The following ZNF230 variants were observed in gnomAD, a reference collection of about 807,000 sequenced individuals.
ZNF230 encodes zinc finger protein 230, also known as zinc finger protein FDZF2.
In ZNF230, 12 loss-of-function variants were observed where a neutral mutation model predicts 10.0. That is an observed-to-expected ratio of 1.20 (90% CI 0.77 to 1.95). The LOEUF (loss-of-function observed/expected upper bound fraction) is 1.95. ZNF230 is among the 30% of genes most tolerant of loss of function. ZNF230 has a pLI of 0.00. For missense variants in ZNF230, 532 were observed against 565.8 expected, an observed-to-expected ratio of 0.94 and a Z score of 0.61; for synonymous variants, 174 against 193.6, an observed-to-expected ratio of 0.90 and a Z score of 0.84.
At position 44,013,360 on chromosome 19, in the gene ZNF230, A is replaced by C. The variant is rs1234575450; in HGVS notation, c.*1896A>C. Reference sequence around the variant, plus strand: ...TGATTGGGGTAGGAGTGACATTTACATGCTCTTCTTTATTGTTGGCAGTAA... The same window carrying C: ...TGATTGGGGTAGGAGTGACATTTACCTGCTCTTCTTTATTGTTGGCAGTAA... On this transcript the variant is annotated 3_prime_UTR_variant, in exon 5 of 5. Coordinates refer to ENST00000429154, the MANE Select transcript of ZNF230 (RefSeq NM_006300.4). 1 of 152,200 alleles carries C rather than the reference A, an allele frequency of 6.6e-6. No homozygotes were observed. The highest frequency in any genetic ancestry group is 1.5e-5 in the Non-Finnish European group (1 of 68,036). 9.4% of individuals were successfully genotyped at this position (152,200 alleles called of 1,614,324 possible). A position where few individuals can be genotyped will look rare whatever the true frequency, so the allele number is the denominator to read the frequency against.
rs1166802550 is a variant in ZNF230, at chr19:44,011,780, T to C, written c.*316T>C. On this transcript the variant is annotated 3_prime_UTR_variant, in exon 5 of 5. Coordinates refer to ENST00000429154, the MANE Select transcript of ZNF230 (RefSeq NM_006300.4). ...TAGAACCACTGTTTTACTCACTAAT[T>C]CTATGAAATCAACTTTTTTAGCTTC... The C allele has an allele frequency of 8.2e-6, 2 of 242,956 alleles. No individual in the cohort carries two copies. Among genetic ancestry groups the C allele is most frequent in the Non-Finnish European group, 1.6e-5 (2 of 124,080 alleles). 15.1% of individuals were successfully genotyped at this position (242,956 alleles called of 1,614,324 possible).
chr19:44,006,927 A>T (rs1017208053), intron 1 of ZNF230, 84 bp from the exon 2 acceptor site: 2 of 626,770 alleles, frequency 3.2e-6, no homozygotes, highest in Non-Finnish European at 2.9e-6. Flanking sequence ...TGCTGTGATC[A>T]TTCATAATAC....
rs904504994 is a variant in ZNF230, at chr19:44,012,161, G to A, written c.*697G>A. 5 of 299,932 alleles carry A rather than the reference G, an allele frequency of 1.7e-5. No homozygotes were observed. Among genetic ancestry groups the A allele is most frequent in the Non-Finnish European group, 2.6e-5 (4 of 154,100 alleles). 18.6% of individuals were successfully genotyped at this position (299,932 alleles called of 1,614,324 possible). A position where few individuals can be genotyped will look rare whatever the true frequency, so the allele number is the denominator to read the frequency against. Reference sequence around the variant, plus strand: ...TTGACACAAGAGCAAAACTATGGAAGTGTGGCTAGGGTGATATGGCTTCAT... The same window carrying A: ...TTGACACAAGAGCAAAACTATGGAAATGTGGCTAGGGTGATATGGCTTCAT... On this transcript the variant is annotated 3_prime_UTR_variant, in exon 5 of 5. Transcript: ENST00000429154.
chr19:44,006,547 G>A (rs541626199), intron 1 of ZNF230, among the ~76,000 whole-genome samples: 81 of 152,234 alleles, frequency 5.3e-4, no homozygotes, highest in African/African-American at 1.8e-3. Flanking sequence ...TTTGTAAAGT[G>A]GAGTAACCAT....
At position 44,010,410 on chromosome 19, in the gene ZNF230, C is replaced by T. The variant is rs776761302; in HGVS notation, c.371C>T (p.Ser124Phe). 3.1e-6 allele frequency: 5 copies of T among 1,614,216 alleles called. No homozygotes were observed. In the East Asian group the frequency reaches 1.1e-4, roughly 36 times the overall value. Residue 124 changes from serine (S) to phenylalanine (F), a missense_variant, in exon 5 of 5, where the codon TCC (serine) becomes TTC (phenylalanine). By Grantham distance (155) the Ser-to-Phe change is radical. Coordinates refer to ENST00000429154, the MANE Select transcript of ZNF230 (RefSeq NM_006300.4). The part of the protein sequence containing the change: ...SHFFEQGDVP[S>F]QVEAGLSIIH... The stretch of plus-strand genomic sequence containing the variant: ...TTCTTTGAACAAGGTGATGTCCCCT[C>T]CCAGGTTGAGGCAGGACTATCTATA...
chr19:44,010,980 G>C lies in ZNF230; in HGVS notation c.941G>C (p.Gly314Ala), dbSNP rs1359546815. ...AAACTGTACAAATCTGAGGAGTGTGGAAAAGGCTTCACTGATAGCCTAGAT... is the reference window on the plus strand; with the variant it reads ...AAACTGTACAAATCTGAGGAGTGTGCAAAAGGCTTCACTGATAGCCTAGAT... ...AEKLYKSEEC[G>A]KGFTDSLDLH... Residue 314 changes from glycine (G) to alanine (A), a missense_variant, in exon 5 of 5, where the codon GGA becomes GCA. Coordinates refer to ENST00000429154, the MANE Select transcript of ZNF230 (RefSeq NM_006300.4). 1.2e-6 allele frequency: 2 copies of C among 1,614,072 alleles called. No homozygotes were observed. The highest frequency in any genetic ancestry group is 2.7e-5 in the African/African-American group (2 of 74,922).
At chr19:44,008,741 C>T (rs890340693) in intron 2 of ZNF230, 49 bp from the exon 3 acceptor site, 6 of 1,599,332 alleles carry the variant, frequency 3.8e-6, no homozygotes, top group South Asian at 2.2e-5. Flanking sequence ...GCTCCTCCCC[C>T]AGTAGTCCAT....
At chr19:44,003,889 G>A (rs1405723412) in intron 1 of ZNF230, 1 of 152,512 alleles carries the variant, frequency 6.6e-6, no homozygotes, top group African/African-American at 2.4e-5. Flanking sequence ...AGGCCACACT[G>A]TGGCTCTGTG....
At position 44,009,035 on chromosome 19, in the gene ZNF230, A is replaced by G. The variant is rs751838264; in HGVS notation, c.143-49A>G. 1.4e-5 allele frequency: 22 copies of G among 1,607,936 alleles called. No individual in the cohort carries two copies. In the South Asian group the frequency reaches 2.3e-4, roughly 17 times the overall value. Reference sequence around the variant, plus strand: ...AATTTCCAGTAAATTTTACCTTGATATTACCTAGAATGAATTGGTATTAAG... The same window carrying G: ...AATTTCCAGTAAATTTTACCTTGATGTTACCTAGAATGAATTGGTATTAAG... On this transcript the variant is annotated intron_variant, in intron 3 of 4. Transcript: ENST00000429154.
chr19:44,003,952 C>T (rs1365054388), intron 1 of ZNF230: 9 of 152,268 alleles, frequency 5.9e-5, no homozygotes, highest in Non-Finnish European at 1.3e-4. Flanking sequence ...GGGTGCATAG[C>T]AGCCAACTAG....
intron 1 of ZNF230, chr19:44,004,890 G>A (rs983071580): frequency 1.3e-5 from 2 of 151,756 alleles, no homozygotes; most frequent in Admixed American, 1.3e-4. Flanking sequence ...GGCCGAGGCG[G>A]GTGGATCACG....
In ZNF230 at chr19:44,010,680, G is replaced by A. The variant is rs373023763; in HGVS notation, c.641G>A (p.Arg214His). Residue 214 changes from arginine (R) to histidine (H), a missense_variant, in exon 5 of 5, where the codon CGT becomes CAT. By Grantham distance (29) the Arg-to-His change is conservative. Transcript: ENST00000429154. ...AGTCAGAGCTCATGTCTGCAAACTCGTGAGAGAGTCCACACTGGAGAGAAA... is the reference window on the plus strand; with the variant it reads ...AGTCAGAGCTCATGTCTGCAAACTCATGAGAGAGTCCACACTGGAGAGAAA... Reference protein sequence around the residue: ...EFSQSSCLQTRERVHTGEKPF... With the variant: ...EFSQSSCLQTHERVHTGEKPF... The A allele has an allele frequency of 4.5e-5, 73 of 1,614,092 alleles. No individual in the cohort carries two copies. The Middle Eastern group carries it at 6.6e-4, about 15-fold the overall frequency.
chr19:44,009,383 G>A (rs1976152862), intron 4 of ZNF230: 1 of 602,320 alleles, frequency 1.7e-6, no homozygotes, highest in East Asian at 2.8e-5. Flanking sequence ...GGAAATGCAA[G>A]TCAGTTTTCC....
At chr19:44,005,498 G>C (rs1339020542) in intron 1 of ZNF230, among the ~76,000 whole-genome samples, 1 of 152,190 alleles carries the variant, frequency 6.6e-6, no homozygotes, top group African/African-American at 2.4e-5. Flanking sequence ...ACTACTAGTA[G>C]TTGTAGTGTT....
At chr19:44,006,287 C>CT (rs1255769093) in intron 1 of ZNF230, among the ~76,000 whole-genome samples, 1 of 151,952 alleles carries the variant, frequency 6.6e-6, no homozygotes. Context: ...GTAAAGTTAC[C>CT]TTTTTTAAAA....
Position 44,010,816 on chromosome 19 carries a change from G to T in ZNF230, c.777G>T (p.Arg259Ser), listed in dbSNP as rs761037011. The change falls in exon 5 of 5, where the codon AGG becomes AGT. Residue 259 changes from arginine to serine, a missense_variant. By Grantham distance (110) the Arg-to-Ser change is moderately radical. Coordinates refer to ENST00000429154, the MANE Select transcript of ZNF230 (RefSeq NM_006300.4). ...CTTATATTTGTGAGAAATGTGGGAG[G>T]GCCTTCATTCACGATTTCCAGCTTC... ...EKPYICEKCG[R>S]AFIHDFQLQK... is the part of the protein sequence containing the mutation. 2 of 1,614,142 alleles carry T rather than the reference G, an allele frequency of 1.2e-6. No individual in the cohort carries two copies. Among genetic ancestry groups the T allele is most frequent in the South Asian group, 2.2e-5 (2 of 91,076 alleles).
chr19:44,009,009 A>G, intron 3 of ZNF230, 75 bp from the exon 4 acceptor site: 1 of 1,604,250 alleles, frequency 6.2e-7, no homozygotes, highest in South Asian at 1.1e-5. Context: ...GTGGGAACTT[A>G]AATTTCCAGT....
Position 44,010,794 on chromosome 19 carries a change from A to G in ZNF230, c.755A>G (p.Tyr252Cys), listed in dbSNP as rs773975813. The change falls in exon 5 of 5, where the codon TAT becomes TGT. Residue 252 changes from tyrosine (Y) to cysteine (C), a missense_variant. Transcript: ENST00000429154. ...AAATTACACACAGGAGAGAAACCTT[A>G]TATTTGTGAGAAATGTGGGAGGGCC... The part of the protein sequence containing the change: ...HCKLHTGEKP[Y>C]ICEKCGRAFI... 9.3e-6 allele frequency: 15 copies of G among 1,614,128 alleles called. No homozygotes were observed. The East Asian group carries it at 2.4e-4, about 26-fold the overall frequency.
At chr19:44,005,251 A>G (rs12610105) in intron 1 of ZNF230, among the ~76,000 whole-genome samples, 25,686 of 152,196 alleles carry the variant, frequency 0.17, 2,273 homozygotes, top group Middle Eastern at 0.26. Context: ...CCAATTGTTT[A>G]CATTTTTCCT....
Sources: gnomAD v4.1 joint callset for allele counts (sites outside exome capture counted in the v4.1 genomes callset) on GRCh38, gnomAD v4.1.1 for gene constraint, MANE v1.5 for transcripts, NCBI Gene and HGNC (gene_info 2026-07-23, HGNC 2026-07-21) for gene names.